Variants in ITPR2 observed in about 807,000 individuals in gnomAD.
The protein encoded by ITPR2 is inositol 1,4,5-trisphosphate-gated calcium channel ITPR2.
In ITPR2, 207 loss-of-function variants were observed where a neutral mutation model predicts 317.1. The observed-to-expected ratio is 0.65, with a 90% CI of 0.58 to 0.73. ITPR2 has a LOEUF of 0.73. ITPR2 is among the 30% of genes least tolerant of loss of function. The probability of loss-of-function intolerance (pLI) is 0.00; values close to 1 mark genes in which losing one functional copy is unlikely to be tolerated. For missense variants in ITPR2, 2,613 were observed against 3,284.0 expected, an observed-to-expected ratio of 0.80 and a Z score of 4.99; for synonymous variants, 1,156 against 1,149.1, an observed-to-expected ratio of 1.01 and a Z score of -0.12.
At chr12:26,531,671 ACACACACACAC>A (rs1431588575) in intron 37 of ITPR2, among the ~76,000 whole-genome samples, 1 of 151,228 alleles carries the variant, frequency 6.6e-6, no homozygotes, top group Non-Finnish European at 1.5e-5. Flanking sequence ...ACACACACAC[ACACACACACAC>A]AAGTGTGTAT....
intron 37 of ITPR2, among the ~76,000 whole-genome samples, chr12:26,497,028 A>G (rs1300122353): frequency 6.8e-6 from 1 of 147,438 alleles, no homozygotes; most frequent in Non-Finnish European, 1.5e-5. Flanking sequence ...CCCCACCCCA[A>G]CTTGATAATG....
At chr12:26,370,835 C>T (rs1448350278) in intron 55 of ITPR2, among the ~76,000 whole-genome samples, 3 of 152,252 alleles carry the variant, frequency 2.0e-5, no homozygotes, top group East Asian at 1.9e-4. Context: ...CCACCACCAC[C>T]GGCTAATTTT....
At chr12:26,655,381 G>C (rs991149828) in intron 20 of ITPR2, among the ~76,000 whole-genome samples, 1 of 152,090 alleles carries the variant, frequency 6.6e-6, no homozygotes, top group Non-Finnish European at 1.5e-5. Flanking sequence ...TTGGGAGGCC[G>C]GGGCAGGTGG....
At chr12:26,357,319 A>C (rs995769615) in intron 55 of ITPR2, among the ~76,000 whole-genome samples, 1 of 152,164 alleles carries the variant, frequency 6.6e-6, no homozygotes. Flanking sequence ...TATGTAATGA[A>C]GCCCTAAAAA....
chr12:26,665,347 T>G (rs1018059656), intron 14 of ITPR2, among the ~76,000 whole-genome samples: 6 of 152,190 alleles, frequency 3.9e-5, no homozygotes, highest in African/African-American at 1.4e-4. Context: ...TATGCAGGGT[T>G]TTTGGAGGTC....
intron 8 of ITPR2, 80 bp downstream of exon 8, chr12:26,715,219 A>G (rs1044991531): frequency 1.3e-5 from 16 of 1,267,928 alleles, no homozygotes; most frequent in Admixed American, 2.1e-5. Flanking sequence ...AATGATGCCT[A>G]TAACAATAAA....
At chr12:26,425,037 A>C (rs893263854) in intron 49 of ITPR2, among the ~76,000 whole-genome samples, 24 of 152,044 alleles carry the variant, frequency 1.6e-4, no homozygotes, top group South Asian at 2.1e-4. Context: ...CTGGGATTAC[A>C]GGCATCAGTC....
intron 34 of ITPR2, among the ~76,000 whole-genome samples, chr12:26,562,239 C>T (rs2137030562): frequency 6.6e-6 from 1 of 152,252 alleles, no homozygotes; most frequent in Non-Finnish European, 1.5e-5. Context: ...TGTATAACAA[C>T]CAGCATATTT....
At chr12:26,634,376 T>C (rs144095538) in intron 21 of ITPR2, among the ~76,000 whole-genome samples, 40 of 152,288 alleles carry the variant, frequency 2.6e-4, no homozygotes, top group African/African-American at 9.6e-4. Flanking sequence ...AAAAAAGAAA[T>C]TGTACTACTT....
intron 37 of ITPR2, among the ~76,000 whole-genome samples, chr12:26,506,281 G>A (rs1489576161): frequency 6.6e-6 from 1 of 151,924 alleles, no homozygotes; most frequent in Non-Finnish European, 1.5e-5. Context: ...GGCCCAGGCA[G>A]GAGGATCACT....
intron 46 of ITPR2, 95 bp downstream of exon 46, chr12:26,443,448 T>A: frequency 1.1e-6 from 1 of 934,354 alleles, no homozygotes; most frequent in Non-Finnish European, 1.7e-6. Flanking sequence ...CACTTCTGCA[T>A]CATTGCTCTA....
At chr12:26,489,462 A>G (rs1056348636) in intron 39 of ITPR2, among the ~76,000 whole-genome samples, 2 of 152,230 alleles carry the variant, frequency 1.3e-5, no homozygotes, top group African/African-American at 4.8e-5. Flanking sequence ...CTGGAGCCAG[A>G]CTGCATCGGT....
At chr12:26,721,402 A>T (rs1218440793) in intron 5 of ITPR2, 2 of 518,432 alleles carry the variant, frequency 3.9e-6, no homozygotes, top group East Asian at 3.0e-5. Context: ...CGATAAAGAC[A>T]TTCCTAAGAC....
At chr12:26,465,322 T>C (rs1327981656) in intron 45 of ITPR2, among the ~76,000 whole-genome samples, 5 of 152,266 alleles carry the variant, frequency 3.3e-5, no homozygotes, top group South Asian at 2.1e-4. Flanking sequence ...AACCTTTAGA[T>C]TGGTCAAAGA....
chr12:26,617,688 G>A (rs1194834671), intron 26 of ITPR2, among the ~76,000 whole-genome samples: 4 of 143,616 alleles, frequency 2.8e-5, no homozygotes, highest in Non-Finnish European at 4.6e-5. Context: ...GGGAAGGAAG[G>A]AGGGAAGGAA....
chr12:26,634,271 G>A (rs1946816248), intron 21 of ITPR2, among the ~76,000 whole-genome samples: 1 of 152,158 alleles, frequency 6.6e-6, no homozygotes, highest in South Asian at 2.1e-4. Flanking sequence ...ATAAATCACA[G>A]CCATGCAAAG....
chr12:26,534,322 C>A (rs1159867716), intron 37 of ITPR2, among the ~76,000 whole-genome samples: 1 of 152,120 alleles, frequency 6.6e-6, no homozygotes, highest in Admixed American at 6.5e-5. Context: ...CAGAAAATGG[C>A]AGATGTGGAA....
Position 26,475,168 on chromosome 12 carries a change from T to C in ITPR2, c.6342+128A>G, listed in dbSNP as rs1942388733. ...CATTCTGGGAGGCTGTTCCTCTCTT[T>C]AGCCCAAACCTAGGATGGTAAGTGC... On this transcript the variant is annotated intron_variant, in intron 45 of 56. Transcript: ENST00000381340. 2.9e-6 allele frequency: 3 copies of C among 1,047,336 alleles called. No homozygotes were observed. The South Asian group carries it at 4.7e-5, about 16-fold the overall frequency. The allele number at this position is 1,047,336 out of a possible 1,614,324, so 64.9% of individuals were successfully genotyped here.
chr12:26,792,567 C>A (rs1415105970), intron 1 of ITPR2, among the ~76,000 whole-genome samples: 1 of 152,000 alleles, frequency 6.6e-6, no homozygotes, highest in Non-Finnish European at 1.5e-5. Flanking sequence ...TTTCTTCTAT[C>A]TACTTGCCTA....
Sources: allele counts gnomAD v4.1 joint callset (sites outside exome capture counted in the v4.1 genomes callset), GRCh38; gene constraint gnomAD v4.1.1; transcripts MANE v1.5; gene names NCBI Gene and HGNC (gene_info 2026-07-23, HGNC 2026-07-21).